The following PDE3B variants were observed in gnomAD, a reference collection of about 807,000 sequenced individuals.
PDE3B encodes the protein cGMP-inhibited 3',5'-cyclic phosphodiesterase 3B.
PDE3B carries 66 observed loss-of-function variants against 116.8 expected under a neutral mutation model. The observed-to-expected ratio is 0.56, with a 90% CI of 0.46 to 0.69. The LOEUF is 0.69. Among genes scored for constraint, PDE3B ranks in the 30% least tolerant of loss-of-function variants. PDE3B has a pLI of 0.00. For missense variants in PDE3B, 1,384 were observed against 1,368.1 expected (o/e 1.01, Z -0.18); for synonymous variants, 595 against 533.6 (o/e 1.12, Z -1.59).
At chr11:14,854,871 T>C (rs919077439) in intron 12 of PDE3B, among the ~76,000 whole-genome samples, 1 of 150,722 alleles carries the variant, frequency 6.6e-6, no homozygotes, top group Middle Eastern at 3.2e-3. Flanking sequence ...ATGGCATTAA[T>C]CAGAAGCTTG....
At chr11:14,689,086 T>G (rs959837621) in intron 1 of PDE3B, among the ~76,000 whole-genome samples, 1 of 152,182 alleles carries the variant, frequency 6.6e-6, no homozygotes, top group Non-Finnish European at 1.5e-5. Flanking sequence ...ATATTTGTTT[T>G]AGAGAGGGAA....
chr11:14,806,979 A>G lies in PDE3B; in HGVS notation c.1522+2929A>G, dbSNP rs866254791. On this transcript the variant is annotated intron_variant, in intron 5 of 15. Transcript: ENST00000282096. ...TTTGCAGGGACGTGGATGAAGCTGG[A>G]AACCATCATTAGCAAACCATCACAA... Among the ~76,000 whole-genome samples the G allele has an allele frequency of 3.9e-5, 6 of 152,294 alleles. No homozygotes were observed. In the Middle Eastern group the frequency reaches 0.017, roughly 432 times the overall value.
At chr11:14,892,254 A>T in the PDE3B span, 2 of 1,546,290 alleles carry the variant, frequency 1.3e-6, no homozygotes, top group Non-Finnish European at 8.8e-7. Context: ...AGACCCAGGC[A>T]CTCCCTCCAG....
the PDE3B span, chr11:14,885,779 C>T: frequency 1.2e-6 from 2 of 1,612,218 alleles, no homozygotes; most frequent in Non-Finnish European, 1.7e-6. Flanking sequence ...AACATACCTC[C>T]CATTTTTGTC....
Position 14,644,085 on chromosome 11 carries a change from G to A in PDE3B, c.10G>A (p.Asp4Asn). The A allele has an allele frequency of 1.9e-6, 3 of 1,548,446 alleles. No individual in the cohort carries two copies. Among genetic ancestry groups the A allele is most frequent in the Non-Finnish European group, 2.6e-6 (3 of 1,157,752 alleles). Reference protein sequence around the residue: MRRDERDAKAMRSL... With the variant: MRRNERDAKAMRSL... ...ACCCCCGGCCCCAGCCATGAGGAGGGACGAGCGAGACGCCAAAGCCATGCG... is the reference window on the plus strand; with the variant it reads ...ACCCCCGGCCCCAGCCATGAGGAGGAACGAGCGAGACGCCAAAGCCATGCG... Residue 4 changes from aspartate (D) to asparagine (N), a missense_variant, in exon 1 of 16, where the codon GAC becomes AAC. By Grantham distance (23) the Asp-to-Asn change is conservative. Coordinates refer to ENST00000282096, the MANE Select transcript of PDE3B (RefSeq NM_000922.4).
intron 1 of PDE3B, among the ~76,000 whole-genome samples, chr11:14,717,844 A>G (rs1240630022): frequency 7.2e-6 from 1 of 138,622 alleles, no homozygotes; most frequent in Non-Finnish European, 1.6e-5. Flanking sequence ...CATCGAGACT[A>G]GGAAGAAACT....
chr11:14,828,141 C>T (rs1354388032), intron 7 of PDE3B, among the ~76,000 whole-genome samples: 2 of 152,182 alleles, frequency 1.3e-5, no homozygotes, highest in East Asian at 3.8e-4. Flanking sequence ...AACTGGATCC[C>T]TTCCTTACAC....
the PDE3B span, among the ~76,000 whole-genome samples, chr11:14,885,563 T>C: frequency 6.6e-6 from 1 of 152,202 alleles, no homozygotes; most frequent in South Asian, 2.1e-4. Flanking sequence ...TTATAATACT[T>C]ATTAGAGCTG....
chr11:14,858,407 C>T (rs1847887810), intron 12 of PDE3B, among the ~76,000 whole-genome samples: 1 of 152,124 alleles, frequency 6.6e-6, no homozygotes. Flanking sequence ...TGAGGAGGCA[C>T]CTCAGGGTCT....
At chr11:14,748,255 C>T (rs769199884) in intron 1 of PDE3B, among the ~76,000 whole-genome samples, 6 of 152,134 alleles carry the variant, frequency 3.9e-5, no homozygotes, top group African/African-American at 9.7e-5. Flanking sequence ...CGTTCTGTGA[C>T]CTATTAATTG....
chr11:14,667,833 T>TATAATA (rs60396910), intron 1 of PDE3B, among the ~76,000 whole-genome samples: 52 of 148,582 alleles, frequency 3.5e-4, no homozygotes, highest in Non-Finnish European at 6.6e-4. Flanking sequence ...AAACTTAAAG[T>TATAATA]ATAATAATAA....
chr11:14,843,516 T>C (rs571795570), intron 11 of PDE3B, among the ~76,000 whole-genome samples: 11 of 152,318 alleles, frequency 7.2e-5, no homozygotes, highest in African/African-American at 1.2e-4. Context: ...TATCTAGTCA[T>C]TAAACAGCAA....
chr11:14,864,837 C>T (rs555598872), intron 14 of PDE3B, among the ~76,000 whole-genome samples: 32 of 152,250 alleles, frequency 2.1e-4, no homozygotes, highest in Admixed American at 1.4e-3. Context: ...ACAGCTAAAG[C>T]AGTGTTTAGA....
intron 1 of PDE3B, among the ~76,000 whole-genome samples, chr11:14,729,284 A>G (rs1856395092): frequency 6.6e-6 from 1 of 152,198 alleles, no homozygotes; most frequent in Non-Finnish European, 1.5e-5. Context: ...TATTGTGATT[A>G]TTTCCTTCTT....
chr11:14,763,884 C>T (rs1857425387), intron 1 of PDE3B, among the ~76,000 whole-genome samples: 1 of 152,094 alleles, frequency 6.6e-6, no homozygotes, highest in South Asian at 2.1e-4. Flanking sequence ...GATTTTAGCT[C>T]TGCCAATTAC....
chr11:14,840,750 A>C (rs1808391008), intron 11 of PDE3B, among the ~76,000 whole-genome samples: 2 of 152,200 alleles, frequency 1.3e-5, no homozygotes, highest in African/African-American at 4.8e-5. Context: ...GCGGTGAATC[A>C]GTTGGTCAAG....
intron 12 of PDE3B, among the ~76,000 whole-genome samples, chr11:14,846,296 T>C (rs1192186536): frequency 6.6e-6 from 1 of 152,042 alleles, no homozygotes; most frequent in Non-Finnish European, 1.5e-5. Flanking sequence ...TGCTGAGAGA[T>C]TTTGTCACCA....
rs573973017 is a variant in PDE3B at position 14,757,438 on chromosome 11, A to G, written c.979-14499A>G. Among the ~76,000 whole-genome samples, 277 of 151,150 alleles carry G rather than the reference A, an allele frequency of 1.8e-3. 1 individual carries two copies. The highest frequency in any genetic ancestry group is 6.2e-3 in the African/African-American group (253 of 41,010). On this transcript the variant is annotated intron_variant, in intron 1 of 15. Transcript: ENST00000282096. ...CCACCAACAGTGTAAAAGTGTTCCT[A>G]TTTCTCCACATCCTCTCTAGCACCT...
intron 1 of PDE3B, among the ~76,000 whole-genome samples, chr11:14,755,444 T>G (rs1857159274): frequency 6.6e-6 from 1 of 152,160 alleles, no homozygotes; most frequent in African/African-American, 2.4e-5. Context: ...TAATAGAATT[T>G]TATAAATACC....
Sources: allele counts gnomAD v4.1 joint callset (sites outside exome capture counted in the v4.1 genomes callset), GRCh38; gene constraint gnomAD v4.1.1; transcripts MANE v1.5; gene names NCBI Gene and HGNC (gene_info 2026-07-23, HGNC 2026-07-21).